The following NTNG2 variants were observed in gnomAD, a reference collection of about 807,000 sequenced individuals.
NTNG2 encodes the protein netrin-G2.
NTNG2 carries 15 observed loss-of-function variants against 47.6 expected under a neutral mutation model. The observed-to-expected ratio is 0.32, with a 90% confidence interval of 0.21 to 0.49. The LOEUF (loss-of-function observed/expected upper bound fraction) is 0.49. Ranked by LOEUF, NTNG2 falls within the 20% of genes least tolerant of loss-of-function variation. The pLI, the probability that NTNG2 is intolerant of heterozygous loss-of-function variation, is 0.99. For missense variants in NTNG2, 578 were observed against 764.6 expected (o/e 0.76, Z 2.88); for synonymous variants, 307 against 324.6 (o/e 0.95, Z 0.58).
At chr9:132,232,150 G>C (rs748276012) in intron 5 of NTNG2, 2 of 152,358 alleles carry the variant, frequency 1.3e-5, no homozygotes, top group Non-Finnish European at 2.9e-5. Flanking sequence ...CTGACATGCA[G>C]CCAAAGACTG....
chr9:132,238,230 T>G (rs1841762138), intron 5 of NTNG2, among the ~76,000 whole-genome samples: 1 of 152,164 alleles, frequency 6.6e-6, no homozygotes, highest in Non-Finnish European at 1.5e-5. Context: ...CCTCACCAAA[T>G]CCTCCATTGA....
At chr9:132,199,194 G>A in intron 3 of NTNG2, among the ~76,000 whole-genome samples, 1 of 152,116 alleles carries the variant, frequency 6.6e-6, no homozygotes, top group Non-Finnish European at 1.5e-5. Flanking sequence ...TCTGGGCAGA[G>A]CTGGGCTAAC....
chr9:132,239,240 G>C lies in NTNG2; in HGVS notation c.1191G>C (p.Ser397=), dbSNP rs145788429. ...HCRLGYYRNG[S]AELDDENVCI... is the part of the protein sequence containing the mutation. ...GGCTGGGCTACTACCGCAACGGCTC[G>C]GCAGAGCTGGATGATGAGAACGTCT... The change falls in exon 6 of 8, where the codon TCG becomes TCC. Residue 397 remains serine, a synonymous_variant. Transcript: ENST00000393229. 1 of 1,613,646 alleles carries C rather than the reference G, an allele frequency of 6.2e-7. No individual in the cohort carries two copies. Among genetic ancestry groups the C allele is most frequent in the Non-Finnish European group, 8.5e-7 (1 of 1,180,010 alleles).
intron 3 of NTNG2, among the ~76,000 whole-genome samples, chr9:132,219,719 T>C (rs1251876688): frequency 6.6e-6 from 1 of 152,234 alleles, no homozygotes; most frequent in African/African-American, 2.4e-5. Flanking sequence ...TCTGGCTGTA[T>C]AGTATTCATT....
At chr9:132,187,659 G>T (rs1053483616) in intron 2 of NTNG2, among the ~76,000 whole-genome samples, 5 of 152,098 alleles carry the variant, frequency 3.3e-5, no homozygotes, top group African/African-American at 9.7e-5. Context: ...CGTCAGGGCC[G>T]CTAGAATTAG....
At chr9:132,241,828 C>T in intron 7 of NTNG2, 48 bp from the exon 8 acceptor site, 1 of 1,380,354 alleles carries the variant, frequency 7.2e-7, no homozygotes. Context: ...CGGAGGTTGG[C>T]GGGGGGACCG....
intron 2 of NTNG2, among the ~76,000 whole-genome samples, chr9:132,167,833 T>C (rs1319950446): frequency 6.6e-6 from 1 of 152,198 alleles, no homozygotes; most frequent in Non-Finnish European, 1.5e-5. Context: ...CCGAGCCTGA[T>C]GCCATTGCGA....
chr9:132,192,381 A>G (rs1311224532), intron 2 of NTNG2, among the ~76,000 whole-genome samples: 1 of 152,230 alleles, frequency 6.6e-6, no homozygotes, highest in East Asian at 1.9e-4. Context: ...ACCTGAGGTC[A>G]GGAGTTCGAG....
intron 2 of NTNG2, among the ~76,000 whole-genome samples, chr9:132,174,356 G>A (rs1400375980): frequency 1.4e-5 from 2 of 143,540 alleles, no homozygotes; most frequent in East Asian, 4.5e-4. Context: ...CCATGCTGCA[G>A]ATTAGACGGA....
chr9:132,213,442 C>T (rs552002920), intron 3 of NTNG2, among the ~76,000 whole-genome samples: 207 of 152,286 alleles, frequency 1.4e-3, no homozygotes, highest in Non-Finnish European at 2.2e-3. Context: ...GGCCACCCAC[C>T]GGCTGGGGAG....
At chr9:132,181,664 C>A (rs1208882046) in intron 2 of NTNG2, among the ~76,000 whole-genome samples, 2 of 152,208 alleles carry the variant, frequency 1.3e-5, no homozygotes, top group East Asian at 1.9e-4. Flanking sequence ...GCAGAAACAT[C>A]GAGCATTTGT....
chr9:132,217,004 C>T (rs553399343), intron 3 of NTNG2, among the ~76,000 whole-genome samples: 16 of 152,288 alleles, frequency 1.1e-4, no homozygotes, highest in East Asian at 9.7e-4. Context: ...GGAATGGACG[C>T]GAAGCCAGCA....
intron 5 of NTNG2, among the ~76,000 whole-genome samples, chr9:132,237,402 T>C (rs1369382731): frequency 6.6e-6 from 1 of 152,182 alleles, no homozygotes; most frequent in Admixed American, 6.5e-5. Context: ...CGAAAGAACC[T>C]GTTTCTCATC....
At chr9:132,219,967 G>A (rs1023599953) in intron 3 of NTNG2, among the ~76,000 whole-genome samples, 3 of 152,240 alleles carry the variant, frequency 2.0e-5, no homozygotes, top group African/African-American at 7.2e-5. Context: ...AGCAGCGTAT[G>A]AGGGTTCTGA....
Position 132,243,277 on chromosome 9 carries a change from C to G in NTNG2, c.*1166C>G, listed in dbSNP as rs1842085786. The G allele has an allele frequency of 6.6e-6, 1 of 152,278 alleles. No homozygotes were observed. The highest frequency in any genetic ancestry group is 2.1e-4 in the South Asian group (1 of 4,824). The allele number at this position is 152,278 out of a possible 1,614,324, so 9.4% of individuals were successfully genotyped here. On this transcript the variant is annotated 3_prime_UTR_variant, in exon 8 of 8. Transcript: ENST00000393229. ...AAGTCCAATATCAGATGAAGCTGAA[C>G]CCACAATTCGGCCACCGCCTCCTTC...
At chr9:132,220,536 C>G (rs985411173) in intron 3 of NTNG2, among the ~76,000 whole-genome samples, 1 of 150,968 alleles carries the variant, frequency 6.6e-6, no homozygotes, top group Non-Finnish European at 1.5e-5. Context: ...ACTGCAACCT[C>G]TGCCTCCTGG....
chr9:132,175,360 A>G (rs1836345093), intron 2 of NTNG2, among the ~76,000 whole-genome samples: 2 of 152,196 alleles, frequency 1.3e-5, no homozygotes, highest in Non-Finnish European at 2.9e-5. Flanking sequence ...CAAGAGGGGC[A>G]GGAGGGCAAT....
intron 2 of NTNG2, among the ~76,000 whole-genome samples, chr9:132,195,925 C>T (rs1293257450): frequency 3.3e-5 from 5 of 152,016 alleles, no homozygotes; most frequent in Admixed American, 6.6e-5. Context: ...TGCCACCACA[C>T]CACACCCAGT....
At chr9:132,181,046 G>A (rs1407692412) in intron 2 of NTNG2, among the ~76,000 whole-genome samples, 1 of 152,184 alleles carries the variant, frequency 6.6e-6, no homozygotes, top group Admixed American at 6.5e-5. Context: ...GGGAAATCAG[G>A]GTTTGGTTCC....
Sources: gnomAD v4.1 joint callset for allele counts (sites outside exome capture counted in the v4.1 genomes callset) on GRCh38, gnomAD v4.1.1 for gene constraint, MANE v1.5 for transcripts, NCBI Gene and HGNC (gene_info 2026-07-23, HGNC 2026-07-21) for gene names.